The following RARB variants were observed in gnomAD, a reference collection of about 807,000 sequenced individuals.
The protein encoded by RARB is retinoic acid receptor beta, also known as HBV-activated protein.
Under a neutral mutation model 51.9 loss-of-function variants are expected in RARB, and 17 were observed. The observed-to-expected ratio is 0.33, with a 90% CI of 0.22 to 0.49. The LOEUF is 0.49. Among genes scored for constraint, RARB ranks in the 20% least tolerant of loss-of-function variants. The pLI is 0.99. For synonymous variants in RARB, 215 were observed against 195.4 expected (o/e 1.10, Z -0.84); for missense variants, 369 against 550.8 (o/e 0.67, Z 3.30).
intron 5 of RARB, among the ~76,000 whole-genome samples, chr3:25,258,246 T>C (rs547315201): frequency 2.6e-5 from 4 of 152,202 alleles, no homozygotes; most frequent in East Asian, 1.9e-4. Flanking sequence ...GATTTCCATA[T>C]GGGGAGCTCC....
intron 5 of RARB, among the ~76,000 whole-genome samples, chr3:25,334,278 C>T (rs1406811822): frequency 6.6e-6 from 1 of 152,152 alleles, no homozygotes; most frequent in African/African-American, 2.4e-5. Context: ...GGAACCAACC[C>T]ACATGTCCAT....
At chr3:25,579,558 C>A (rs772714463) in intron 4 of RARB, among the ~76,000 whole-genome samples, 9 of 151,802 alleles carry the variant, frequency 5.9e-5, no homozygotes, top group African/African-American at 2.2e-4. Context: ...TCCTTATTAA[C>A]GCTACCTAGC....
intron 5 of RARB, among the ~76,000 whole-genome samples, chr3:25,254,696 G>A (rs1191369668): frequency 1.3e-5 from 2 of 152,086 alleles, no homozygotes; most frequent in Non-Finnish European, 2.9e-5. Context: ...GGAGGGTGCT[G>A]GATGACTTGG....
At chr3:25,498,547 A>G (rs1697148608) in intron 2 of RARB, among the ~76,000 whole-genome samples, 1 of 152,356 alleles carries the variant, frequency 6.6e-6, no homozygotes, top group South Asian at 2.1e-4. Flanking sequence ...AAGAAGTCCT[A>G]TTTAGTTTCT....
intron 2 of RARB, among the ~76,000 whole-genome samples, chr3:24,882,259 T>C (rs1703182564): frequency 6.6e-6 from 1 of 152,222 alleles, no homozygotes; most frequent in African/African-American, 2.4e-5. Flanking sequence ...GTCGGCCCTT[T>C]GTACCCGTGA....
chr3:25,122,049 C>T (rs957737998), intron 3 of RARB, among the ~76,000 whole-genome samples: 95 of 152,248 alleles, frequency 6.2e-4, no homozygotes, highest in South Asian at 8.3e-4. Flanking sequence ...AAAGTTGAGT[C>T]AATGTATCAG....
At chr3:25,268,199 C>A (rs993928066) in intron 5 of RARB, among the ~76,000 whole-genome samples, 4 of 152,156 alleles carry the variant, frequency 2.6e-5, no homozygotes, top group African/African-American at 9.7e-5. Flanking sequence ...CATTAGAGAG[C>A]ATTTGGTGAC....
intron 5 of RARB, chr3:25,324,793 A>G (rs1704667229): frequency 6.6e-6 from 1 of 152,184 alleles, no homozygotes; most frequent in African/African-American, 2.4e-5. Context: ...CCAGCTGCCA[A>G]ACAGCTCCCC....
chr3:25,033,327 G>A (rs1697913688), intron 2 of RARB, among the ~76,000 whole-genome samples: 1 of 152,190 alleles, frequency 6.6e-6, no homozygotes, highest in African/African-American at 2.4e-5. Flanking sequence ...ATTAGTCAAG[G>A]TCTCAGAATA....
chr3:25,257,322 G>A (rs961527656), intron 5 of RARB, among the ~76,000 whole-genome samples: 13 of 152,036 alleles, frequency 8.6e-5, no homozygotes, highest in African/African-American at 3.1e-4. Flanking sequence ...AGAGGAGTGA[G>A]AGTAGAATGA....
At chr3:25,189,578 C>G (rs978968525) in intron 5 of RARB, among the ~76,000 whole-genome samples, 3 of 151,970 alleles carry the variant, frequency 2.0e-5, no homozygotes, top group African/African-American at 7.2e-5. Flanking sequence ...AAGCTTAGAC[C>G]CTGGAGTCAG....
At chr3:24,996,660 C>A (rs979489150) in intron 2 of RARB, among the ~76,000 whole-genome samples, 8 of 150,498 alleles carry the variant, frequency 5.3e-5, no homozygotes, top group African/African-American at 2.0e-4. Flanking sequence ...CTTCTATTTT[C>A]ATTTGTTTCA....
rs981918193 is a variant in RARB, at chr3:25,365,801, T to G, written c.179-95392T>G. ...GACCTCAGGGTAATCTAACTTGTTA[T>G]GGGGGCAGCTCCAGTACAACTATTT... On this transcript the variant is annotated intron_variant, in intron 5 of 11. Transcript: ENST00000383772. Among the ~76,000 whole-genome samples, 8 of 152,292 alleles carry G rather than the reference T, an allele frequency of 5.3e-5. 1 individual carries two copies. The highest frequency in any genetic ancestry group is 6.8e-3 in the Middle Eastern group (2 of 294).
intron 2 of RARB, among the ~76,000 whole-genome samples, chr3:24,985,812 G>C (rs560225358): frequency 6.6e-6 from 1 of 152,226 alleles, no homozygotes; most frequent in Admixed American, 6.5e-5. Flanking sequence ...TCACTGCGCT[G>C]AGGCCTGTGC....
At chr3:25,236,856 C>T (rs1054512153) in intron 5 of RARB, among the ~76,000 whole-genome samples, 1 of 151,144 alleles carries the variant, frequency 6.6e-6, no homozygotes, top group Admixed American at 6.6e-5. Flanking sequence ...TGGAAGATCT[C>T]GCATCATTTT....
At chr3:25,358,206 A>C (rs912010027) in intron 5 of RARB, among the ~76,000 whole-genome samples, 1 of 152,090 alleles carries the variant, frequency 6.6e-6, no homozygotes, top group African/African-American at 2.4e-5. Flanking sequence ...ATCCCATGTA[A>C]GTTGTATTTC....
In RARB at chr3:25,591,986, G is replaced by T. The variant is rs182196953; in HGVS notation, c.787-1517G>T. Among the ~76,000 whole-genome samples the T allele has an allele frequency of 1.5e-3, 225 of 152,292 alleles. 2 individuals are homozygous for T. The highest frequency in any genetic ancestry group is 5.1e-3 in the African/African-American group (214 of 41,568). On this transcript the variant is annotated intron_variant, in intron 5 of 7. Coordinates refer to ENST00000330688, the MANE Select transcript of RARB (RefSeq NM_000965.5). ...GTCCAGTGGGTTTGAGGCTCTTGTG[G>T]ATCCACCACCAGTCAGATAGGACTG...
chr3:25,322,196 A>T (rs983574213), intron 5 of RARB, among the ~76,000 whole-genome samples: 1 of 127,322 alleles, frequency 7.9e-6, no homozygotes, highest in African/African-American at 3.1e-5. Flanking sequence ...GAAAACATAT[A>T]CTATTTAATA....
intron 2 of RARB, among the ~76,000 whole-genome samples, chr3:25,038,318 A>G (rs962194434): frequency 2.0e-5 from 3 of 152,200 alleles, no homozygotes; most frequent in African/African-American, 4.8e-5. Flanking sequence ...CAATGGAAAC[A>G]CTGCTGTTCA....
Sources: allele counts gnomAD v4.1 joint callset (sites outside exome capture counted in the v4.1 genomes callset), GRCh38; gene constraint gnomAD v4.1.1; transcripts MANE v1.5; gene names NCBI Gene and HGNC (gene_info 2026-07-23, HGNC 2026-07-21).